Variants in DNER observed in about 807,000 individuals in gnomAD.
The protein encoded by DNER is delta/notch like EGF repeat containing.
DNER carries 33 observed loss-of-function variants against 78.2 expected under a neutral mutation model. That is an observed-to-expected ratio of 0.42 (90% CI 0.32 to 0.56). The LOEUF is 0.56. Ranked by LOEUF, DNER falls within the 20% of genes least tolerant of loss-of-function variation. The pLI, the probability that DNER is intolerant of heterozygous loss-of-function variation, is 0.11. For synonymous variants in DNER, 417 were observed against 384.8 expected, an observed-to-expected ratio of 1.08 and a Z score of -0.98; for missense variants, 918 against 975.3, an observed-to-expected ratio of 0.94 and a Z score of 0.78.
At chr2:229,407,087 T>C in intron 10 of DNER, 145 bp downstream of exon 10, 1 of 709,044 alleles carries the variant, frequency 1.4e-6, no homozygotes, top group East Asian at 2.6e-5. Context: ...AAAATAGATC[T>C]TCATCCAAGC....
intron 6 of DNER, among the ~76,000 whole-genome samples, chr2:229,504,871 G>T (rs2154212070): frequency 1.3e-5 from 2 of 152,300 alleles, no homozygotes; most frequent in Middle Eastern, 3.4e-3. Context: ...TCCCCATGTT[G>T]TTTCCTCTTC....
chr2:229,498,756 TGAA>T (rs1295940863), intron 6 of DNER, among the ~76,000 whole-genome samples: 1 of 152,112 alleles, frequency 6.6e-6, no homozygotes, highest in African/African-American at 2.4e-5. Context: ...ACAAAAAAAT[TGAA>T]GAAGACAAAA....
intron 6 of DNER, among the ~76,000 whole-genome samples, chr2:229,502,392 T>A (rs1052744705): frequency 6.6e-6 from 1 of 151,874 alleles, no homozygotes; most frequent in Non-Finnish European, 1.5e-5. Context: ...ACGTTCCTCT[T>A]GCACCCTCCT....
chr2:229,565,253 C>G (rs1267859179), intron 4 of DNER, among the ~76,000 whole-genome samples: 1 of 152,142 alleles, frequency 6.6e-6, no homozygotes, highest in South Asian at 2.1e-4. Flanking sequence ...TTCAGAGAGT[C>G]CTCTAAGCCC....
At chr2:229,460,183 TTATG>T (rs1694665921) in intron 7 of DNER, among the ~76,000 whole-genome samples, 1 of 108,772 alleles carries the variant, frequency 9.2e-6, no homozygotes. Flanking sequence ...AAAAAAAAAA[TTATG>T]AAATTTGAGT....
At chr2:229,616,021 A>G (rs549861168) in intron 1 of DNER, among the ~76,000 whole-genome samples, 260 of 152,348 alleles carry the variant, frequency 1.7e-3, no homozygotes, top group African/African-American at 5.7e-3. Flanking sequence ...CAAACACCCA[A>G]TGTTAACCTC....
chr2:229,427,755 C>T (rs1391101928), intron 8 of DNER, among the ~76,000 whole-genome samples: 1 of 152,058 alleles, frequency 6.6e-6, no homozygotes, highest in Non-Finnish European at 1.5e-5. Flanking sequence ...GGATTGCAAC[C>T]CACTGTAGAG....
At chr2:229,698,051 TA>T (rs1559213201) in intron 1 of DNER, among the ~76,000 whole-genome samples, 1 of 151,778 alleles carries the variant, frequency 6.6e-6, no homozygotes, top group African/African-American at 2.4e-5. Flanking sequence ...AAATAAAAAA[TA>T]AATTAGCCAA....
At chr2:229,494,126 A>T (rs1375525431) in intron 6 of DNER, among the ~76,000 whole-genome samples, 1 of 152,246 alleles carries the variant, frequency 6.6e-6, no homozygotes, top group African/African-American at 2.4e-5. Flanking sequence ...AATTCAGTTC[A>T]CAGCATTCCA....
intron 11 of DNER, among the ~76,000 whole-genome samples, chr2:229,377,264 A>T (rs1692625378): frequency 6.6e-6 from 1 of 152,236 alleles, no homozygotes; most frequent in African/African-American, 2.4e-5. Context: ...TTAATTCAAT[A>T]GTTTAACTGT....
At chr2:229,460,721 G>C (rs1321544668) in intron 7 of DNER, among the ~76,000 whole-genome samples, 4 of 152,072 alleles carry the variant, frequency 2.6e-5, no homozygotes, top group African/African-American at 7.3e-5. Context: ...TTGATTGGTG[G>C]CTCTTAGCTA....
intron 1 of DNER, among the ~76,000 whole-genome samples, chr2:229,664,661 C>G (rs980408982): frequency 1.4e-4 from 22 of 152,082 alleles, no homozygotes; most frequent in Admixed American, 4.6e-4. Flanking sequence ...AACTGAAGCA[C>G]AAAGAAGCTT....
intron 1 of DNER, among the ~76,000 whole-genome samples, chr2:229,592,303 G>A (rs1697623790): frequency 1.3e-5 from 2 of 152,128 alleles, no homozygotes; most frequent in South Asian, 2.1e-4. Flanking sequence ...ACCTGTGCAA[G>A]GTCTCCTCAT....
At chr2:229,464,800 G>C (rs1172975651) in intron 7 of DNER, among the ~76,000 whole-genome samples, 1 of 152,168 alleles carries the variant, frequency 6.6e-6, no homozygotes, top group African/African-American at 2.4e-5. Context: ...AGTGACACAA[G>C]GGGGAGAGAG....
intron 10 of DNER, among the ~76,000 whole-genome samples, chr2:229,395,674 G>A (rs757661450): frequency 2.6e-5 from 4 of 152,140 alleles, no homozygotes; most frequent in Non-Finnish European, 5.9e-5. Flanking sequence ...TGAGGAGGGC[G>A]GATCACCTGA....
At chr2:229,714,054 C>G (rs1699952261) in intron 1 of DNER, 94 bp downstream of exon 1, 2 of 1,142,418 alleles carry the variant, frequency 1.8e-6, no homozygotes, top group African/African-American at 1.6e-5. Flanking sequence ...CTGTGTCAGG[C>G]GTGCCCATTG....
chr2:229,706,862 C>T (rs1017349477), intron 1 of DNER, among the ~76,000 whole-genome samples: 3 of 152,218 alleles, frequency 2.0e-5, no homozygotes, highest in Admixed American at 6.5e-5. Flanking sequence ...AGGTGTAAGC[C>T]GCCACACCCG....
intron 5 of DNER, among the ~76,000 whole-genome samples, chr2:229,522,590 T>A (rs1412908561): frequency 6.6e-6 from 1 of 152,234 alleles, no homozygotes; most frequent in Non-Finnish European, 1.5e-5. Context: ...GCCCTCTAGT[T>A]ATTTCCTGTG....
chr2:229,616,826 A>G (rs1259891848), intron 1 of DNER, among the ~76,000 whole-genome samples: 1 of 152,226 alleles, frequency 6.6e-6, no homozygotes, highest in Non-Finnish European at 1.5e-5. Context: ...TTCCTAATGT[A>G]TCTTAAATCA....
Sources: allele counts gnomAD v4.1 joint callset (sites outside exome capture counted in the v4.1 genomes callset), GRCh38; gene constraint gnomAD v4.1.1; transcripts MANE v1.5; gene names NCBI Gene and HGNC (gene_info 2026-07-23, HGNC 2026-07-21).